Variants in ST6GALNAC3 observed in about 807,000 individuals in gnomAD.
The protein encoded by ST6GALNAC3 is alpha-N-acetylgalactosaminide alpha-2,6-sialyltransferase 3.
ST6GALNAC3 carries 25 observed loss-of-function variants against 32.7 expected under a neutral mutation model. The observed-to-expected ratio is 0.76, with a 90% CI of 0.56 to 1.07. ST6GALNAC3 has a LOEUF of 1.07. ST6GALNAC3 is among the 50% of genes least tolerant of loss of function. The pLI, the probability that ST6GALNAC3 is intolerant of heterozygous loss-of-function variation, is 0.00. For missense variants in ST6GALNAC3, 355 were observed against 382.4 expected, an observed-to-expected ratio of 0.93 and a Z score of 0.60; for synonymous variants, 129 against 133.1, an observed-to-expected ratio of 0.97 and a Z score of 0.21.
chr1:76,175,590 C>T (rs1279961846), intron 1 of ST6GALNAC3, among the ~76,000 whole-genome samples: 2 of 150,708 alleles, frequency 1.3e-5, no homozygotes, highest in African/African-American at 4.9e-5. Flanking sequence ...GAAGTTAAGG[C>T]AGTTCAAGGA....
chr1:76,269,776 C>A (rs1272172905), intron 1 of ST6GALNAC3, among the ~76,000 whole-genome samples: 1 of 152,168 alleles, frequency 6.6e-6, no homozygotes, highest in Non-Finnish European at 1.5e-5. Context: ...TATCTGAAGA[C>A]CCTGGGCTGT....
intron 2 of ST6GALNAC3, among the ~76,000 whole-genome samples, chr1:76,405,486 A>T (rs1376380666): frequency 1.3e-5 from 2 of 152,094 alleles, no homozygotes; most frequent in African/African-American, 4.8e-5. Context: ...TGTCAGGTTC[A>T]TACCCAAAGA....
intron 2 of ST6GALNAC3, among the ~76,000 whole-genome samples, chr1:76,395,759 G>A (rs1189809689): frequency 1.3e-5 from 2 of 152,146 alleles, no homozygotes; most frequent in Non-Finnish European, 2.9e-5. Flanking sequence ...CCATATGTGG[G>A]TGCTAAAAAG....
Position 76,412,293 on chromosome 1 carries a change from G to A in ST6GALNAC3, c.499G>A (p.Gly167Ser). The A allele has an allele frequency of 6.2e-7, 1 of 1,613,572 alleles. No individual in the cohort carries two copies. Among genetic ancestry groups the A allele is most frequent in the East Asian group, 2.2e-5 (1 of 44,858 alleles). ...CCGCAATATGAGGAAAGATGGCAATGGCATCGTTTACAACATGTTGAAAAA... is the reference window on the plus strand; with the variant it reads ...CCGCAATATGAGGAAAGATGGCAATAGCATCGTTTACAACATGTTGAAAAA... ...PFRNMRKDGN[G>S]IVYNMLKKTV... The change falls in exon 3 of 5, where the codon GGC becomes AGC. Residue 167 changes from glycine to serine, a missense_variant. Transcript: ENST00000328299.
At chr1:76,089,020 G>A (rs1359505508) in intron 1 of ST6GALNAC3, among the ~76,000 whole-genome samples, 3 of 150,420 alleles carry the variant, frequency 2.0e-5, no homozygotes, top group Non-Finnish European at 3.0e-5. Context: ...TAGAAATGGG[G>A]AAACACTAAA....
intron 2 of ST6GALNAC3, among the ~76,000 whole-genome samples, chr1:76,361,989 A>AAAAAAT (rs1553184752): frequency 3.4e-5 from 5 of 148,172 alleles, no homozygotes; most frequent in South Asian, 2.1e-4. Flanking sequence ...AAAAAAAAAA[A>AAAAAAT]AAAAGAGAGA....
intron 1 of ST6GALNAC3, among the ~76,000 whole-genome samples, chr1:76,289,634 C>G (rs1557756870): frequency 6.6e-6 from 1 of 152,100 alleles, no homozygotes; most frequent in Non-Finnish European, 1.5e-5. Context: ...GTCCAGAAAC[C>G]CCTGGGTTGC....
At chr1:76,527,953 G>A (rs1330963162) in intron 3 of ST6GALNAC3, among the ~76,000 whole-genome samples, 1 of 151,992 alleles carries the variant, frequency 6.6e-6, no homozygotes, top group Non-Finnish European at 1.5e-5. Context: ...CTTTGCCCAG[G>A]GTCAACATTA....
chr1:76,140,199 C>T, intron 1 of ST6GALNAC3, among the ~76,000 whole-genome samples: 1 of 152,148 alleles, frequency 6.6e-6, no homozygotes, highest in African/African-American at 2.4e-5. Context: ...TCCAATGCTC[C>T]GTGGAAGTAG....
intron 3 of ST6GALNAC3, among the ~76,000 whole-genome samples, chr1:76,489,965 C>T (rs1297542348): frequency 6.6e-6 from 1 of 152,164 alleles, no homozygotes; most frequent in Non-Finnish European, 1.5e-5. Flanking sequence ...GGCACATACC[C>T]TCGGTGTAAA....
chr1:76,411,570 A>T (rs986496904), intron 2 of ST6GALNAC3, among the ~76,000 whole-genome samples: 1 of 152,228 alleles, frequency 6.6e-6, no homozygotes, highest in East Asian at 1.9e-4. Context: ...GCTCATAACC[A>T]TTCATGCATA....
At chr1:76,622,792 G>A (rs995141515) in intron 3 of ST6GALNAC3, among the ~76,000 whole-genome samples, 1 of 151,952 alleles carries the variant, frequency 6.6e-6, no homozygotes, top group Non-Finnish European at 1.5e-5. Flanking sequence ...AGCATCCTGT[G>A]AATAGATAAT....
intron 2 of ST6GALNAC3, among the ~76,000 whole-genome samples, chr1:76,334,406 A>G (rs923657511): frequency 2.6e-5 from 4 of 152,176 alleles, no homozygotes; most frequent in African/African-American, 9.7e-5. Flanking sequence ...TGACAAATAG[A>G]CCTTTTGATT....
At chr1:76,605,738 G>A (rs1056159904) in intron 3 of ST6GALNAC3, among the ~76,000 whole-genome samples, 2 of 151,578 alleles carry the variant, frequency 1.3e-5, no homozygotes, top group African/African-American at 4.9e-5. Flanking sequence ...GGTGATGGAC[G>A]CCTGTAATTC....
intron 1 of ST6GALNAC3, among the ~76,000 whole-genome samples, chr1:76,125,873 C>T (rs1244215891): frequency 1.3e-5 from 2 of 152,186 alleles, no homozygotes; most frequent in African/African-American, 2.4e-5. Flanking sequence ...CACTGACACT[C>T]ACCACACCAA....
intron 1 of ST6GALNAC3, among the ~76,000 whole-genome samples, chr1:76,132,507 G>T (rs1649676100): frequency 6.6e-6 from 1 of 152,152 alleles, no homozygotes; most frequent in Non-Finnish European, 1.5e-5. Context: ...GTGGACAAAG[G>T]TCTTCAGTGG....
chr1:76,567,027 A>G (rs545715073), intron 3 of ST6GALNAC3, among the ~76,000 whole-genome samples: 1 of 152,308 alleles, frequency 6.6e-6, no homozygotes, highest in South Asian at 2.1e-4. Context: ...AGGAATGAAG[A>G]AAAAAGAATG....
intron 3 of ST6GALNAC3, among the ~76,000 whole-genome samples, chr1:76,602,517 A>G (rs1647281135): frequency 6.6e-6 from 1 of 152,170 alleles, no homozygotes; most frequent in Non-Finnish European, 1.5e-5. Context: ...TTGTTAGTAC[A>G]GTATAATAAT....
intron 3 of ST6GALNAC3, among the ~76,000 whole-genome samples, chr1:76,623,689 T>C (rs561387050): frequency 9.9e-5 from 15 of 152,154 alleles, no homozygotes; most frequent in African/African-American, 3.6e-4. Context: ...CTTTCCAAGC[T>C]GGAAATCATA....
Sources: allele counts gnomAD v4.1 joint callset (sites outside exome capture counted in the v4.1 genomes callset), GRCh38; gene constraint gnomAD v4.1.1; transcripts MANE v1.5; gene names NCBI Gene and HGNC (gene_info 2026-07-23, HGNC 2026-07-21).